Variants in PPL observed in about 807,000 individuals in gnomAD.
PPL encodes periplakin.
In PPL, 198 loss-of-function variants were observed where a neutral mutation model predicts 194.4. The observed-to-expected ratio is 1.02, with a 90% CI of 0.91 to 1.15. The LOEUF is 1.15. Ranked by LOEUF, PPL falls within the 50% of genes most tolerant of loss-of-function variation. The pLI, the probability that PPL is intolerant of heterozygous loss-of-function variation, is 0.00. For missense variants in PPL, 2,885 were observed against 2,294.8 expected, an observed-to-expected ratio of 1.26 and a Z score of -5.25; for synonymous variants, 1,220 against 972.4, an observed-to-expected ratio of 1.25 and a Z score of -4.74.
rs372157993 is a variant in PPL at position 4,883,420 on chromosome 16, G to A, written c.5235C>T (p.Ile1745=). 2.2e-5 allele frequency: 35 copies of A among 1,614,040 alleles called. No individual in the cohort carries two copies. Among genetic ancestry groups the A allele is most frequent in the Non-Finnish European group, 2.7e-5 (32 of 1,180,030 alleles). ...YDRYVNKDMS[I]QELAVLVSGQ... Reference sequence around the variant, plus strand: ...CAGATACCAAGACCGCCAGCTCCTGGATGGACATATCCTTGTTGACATAGC... The same window carrying A: ...CAGATACCAAGACCGCCAGCTCCTGAATGGACATATCCTTGTTGACATAGC... Residue 1745 remains isoleucine, a synonymous_variant, in exon 22 of 22, where the codon ATC becomes ATT. Coordinates refer to ENST00000345988, the MANE Select transcript of PPL (RefSeq NM_002705.5). This position sits in a 1 kb window ranked among gnomAD's most constrained non-coding sequence, Gnocchi z 4.8.
At chr16:4,922,704 C>G (rs2089074306) in intron 1 of PPL, among the ~76,000 whole-genome samples, 1 of 152,026 alleles carries the variant, frequency 6.6e-6, no homozygotes, top group Non-Finnish European at 1.5e-5. Flanking sequence ...AAACAAAAAG[C>G]CAGAAGCCAA....
rs759044442 is a variant in PPL at position 4,902,147 on chromosome 16, G to A, written c.438+259C>T. 9.9e-5 allele frequency among the ~76,000 whole-genome samples: 15 copies of A among 152,142 alleles called. No individual in the cohort carries two copies. Among genetic ancestry groups the A allele is most frequent in the Non-Finnish European group, 1.8e-4 (12 of 68,022 alleles). On this transcript the variant is annotated intron_variant, in intron 4 of 21. Coordinates refer to ENST00000345988, the MANE Select transcript of PPL (RefSeq NM_002705.5). The surrounding 1 kb of genome is among the most constrained non-coding windows in gnomAD (Gnocchi z 4.0). ...CCCCAACATGCCAGGGTTGGAAAGTGGGACCCAGGAGCAGCAGCGAGGTGT... is the reference window on the plus strand; with the variant it reads ...CCCCAACATGCCAGGGTTGGAAAGTAGGACCCAGGAGCAGCAGCGAGGTGT...
At position 4,910,895 on chromosome 16, in the gene PPL, G is replaced by A; in HGVS notation, c.117C>T (p.Asp39=). The change falls in exon 2 of 22, where the codon GAC becomes GAT. Residue 39 remains aspartate (D), a synonymous_variant. Coordinates refer to ENST00000345988, the MANE Select transcript of PPL (RefSeq NM_002705.5). ...ELIEQLQKNA[D]QVEKNIVDTE... is the part of the protein sequence containing the mutation. ...TGTCCACGATGTTCTTCTCCACCTG[G>A]TCGGCATTCTTCTGCAGCTGCTCGA... 3 of 1,613,884 alleles carry A rather than the reference G, an allele frequency of 1.9e-6. No homozygotes were observed. Among genetic ancestry groups the A allele is most frequent in the Non-Finnish European group, 2.5e-6 (3 of 1,180,026 alleles).
At chr16:4,917,062 G>A (rs1046729412) in intron 1 of PPL, among the ~76,000 whole-genome samples, 3 of 152,048 alleles carry the variant, frequency 2.0e-5, no homozygotes, top group Non-Finnish European at 4.4e-5. Context: ...AACCTGGGAG[G>A]CGGAGGTTGC....
At chr16:4,935,806 C>G (rs879854131) in intron 1 of PPL, among the ~76,000 whole-genome samples, 5 of 152,186 alleles carry the variant, frequency 3.3e-5, no homozygotes, top group Non-Finnish European at 7.4e-5. Flanking sequence ...GCCCAGAGGC[C>G]TCTCCTTGCC....
At chr16:4,886,246 C>G (rs1478347094) in intron 21 of PPL, among the ~76,000 whole-genome samples, 199 bp from the exon 22 acceptor site, 4 of 152,050 alleles carry the variant, frequency 2.6e-5, no homozygotes, top group African/African-American at 9.7e-5. Flanking sequence ...TCAGGTAAAA[C>G]ATTTTTGAGC....
At chr16:4,933,123 TCCTGAGTAG>T (rs1182018553) in intron 1 of PPL, among the ~76,000 whole-genome samples, 9 of 151,922 alleles carry the variant, frequency 5.9e-5, no homozygotes, top group Admixed American at 5.9e-4. Context: ...TGCTTCAGCC[TCCTGAGTAG>T]CTGGGACTAC....
chr16:4,911,881 G>T (rs1462578922), intron 1 of PPL, among the ~76,000 whole-genome samples: 1 of 151,958 alleles, frequency 6.6e-6, no homozygotes, highest in East Asian at 1.9e-4. Context: ...CTGTCACCCA[G>T]ACTGGAGTGC....
At chr16:4,889,673 T>C (rs1281541361) in intron 18 of PPL, among the ~76,000 whole-genome samples, 1 of 152,160 alleles carries the variant, frequency 6.6e-6, no homozygotes, top group East Asian at 1.9e-4. Flanking sequence ...TGACTTAGAT[T>C]ATCTCATTTA....
Position 4,893,240 on chromosome 16 carries a change from G to T in PPL, c.1623C>A (p.Asp541Glu). The change falls in exon 14 of 22, where the codon GAC (aspartate) becomes GAA (glutamate). Residue 541 changes from aspartate to glutamate, a missense_variant. Physicochemically the swap from Asp to Glu is conservative, Grantham distance 45. Coordinates refer to ENST00000345988, the MANE Select transcript of PPL (RefSeq NM_002705.5). The stretch of plus-strand genomic sequence containing the variant: ...TGAGGTCCTTGGCCCGCTCGGCACT[G>T]TCCTGCACAGCCCGGCCTTGCTCCA... ...PPLEQGRAVQ[D>E]SAERAKDLKN... The T allele has an allele frequency of 6.3e-7, 1 of 1,588,048 alleles. No homozygotes were observed.
intron 12 of PPL, 103 bp from the exon 13 acceptor site, chr16:4,893,741 C>G: frequency 1.1e-6 from 1 of 896,502 alleles, no homozygotes; most frequent in Non-Finnish European, 1.7e-6. Context: ...CCAGAGGAGC[C>G]TGACAGCTCC....
chr16:4,936,758 T>TATG (rs2089304753), intron 1 of PPL, among the ~76,000 whole-genome samples: 1 of 152,092 alleles, frequency 6.6e-6, no homozygotes, highest in African/African-American at 2.4e-5. Context: ...TCCCCTGTGT[T>TATG]ATGCTCCCCC....
At chr16:4,890,429 A>G in intron 17 of PPL, 95 bp from the exon 18 acceptor site, 1 of 1,406,402 alleles carries the variant, frequency 7.1e-7, no homozygotes, top group African/African-American at 1.4e-5. Context: ...ACCAAATGTA[A>G]CAACCAGAAA....
In PPL at chr16:4,910,854, T is replaced by C; in HGVS notation, c.158A>G (p.Gln53Arg). 1 of 1,613,804 alleles carries C rather than the reference T, an allele frequency of 6.2e-7. No individual in the cohort carries two copies. Among genetic ancestry groups the C allele is most frequent in the Non-Finnish European group, 8.5e-7 (1 of 1,179,838 alleles). The change falls in exon 2 of 22, where the codon CAG (glutamine) becomes CGG (arginine). Residue 53 changes from glutamine to arginine, a missense_variant. Coordinates refer to ENST00000345988, the MANE Select transcript of PPL (RefSeq NM_002705.5). ...KNIVDTEAKMQSDLARLQEGR... is the reference protein window; with the variant it reads ...KNIVDTEAKMRSDLARLQEGR... The stretch of plus-strand genomic sequence containing the variant: ...AGTGGGAGTGGGGGCACTCACACTC[T>C]GCATCTTGGCCTCTGTGTCCACGAT...
chr16:4,894,765 G>T (rs889530298), intron 11 of PPL, 147 bp from the exon 12 acceptor site: 1 of 912,648 alleles, frequency 1.1e-6, no homozygotes, highest in Admixed American at 2.9e-5. Flanking sequence ...GGGCATGCAG[G>T]AGAAGCACAT....
At chr16:4,906,419 G>C (rs1292530467) in intron 2 of PPL, among the ~76,000 whole-genome samples, 1 of 151,962 alleles carries the variant, frequency 6.6e-6, no homozygotes, top group African/African-American at 2.4e-5. Context: ...TAGAGACGGG[G>C]TTTCACCGTG....
intron 3 of PPL, among the ~76,000 whole-genome samples, chr16:4,903,520 G>A (rs1433350084): frequency 6.6e-6 from 1 of 152,098 alleles, no homozygotes; most frequent in African/African-American, 2.4e-5. Flanking sequence ...TGGAGTTTGA[G>A]ACCAGCCTGG....
At chr16:4,891,025 C>A (rs1357276397) in intron 16 of PPL, 104 bp from the exon 17 acceptor site, 14 of 1,016,030 alleles carry the variant, frequency 1.4e-5, no homozygotes, top group Non-Finnish European at 2.0e-5. Flanking sequence ...GGAGGGTGGG[C>A]AAGGCCACAG....
chr16:4,905,571 T>A (rs1169255342), intron 2 of PPL, among the ~76,000 whole-genome samples: 2 of 152,250 alleles, frequency 1.3e-5, no homozygotes, highest in African/African-American at 2.4e-5. Flanking sequence ...ACACTTGCAG[T>A]GGGAGCCTTT....
Sources: gnomAD v4.1 joint callset for allele counts (sites outside exome capture counted in the v4.1 genomes callset) on GRCh38, gnomAD v4.1.1 for gene constraint, Gnocchi (gnomAD v3.1) non-coding constraint, MANE v1.5 for transcripts, NCBI Gene and HGNC (gene_info 2026-07-23, HGNC 2026-07-21) for gene names.